The following LAMA2 variants were observed in gnomAD, a reference collection of about 807,000 sequenced individuals.
LAMA2 encodes the protein laminin subunit alpha-2.
LAMA2 carries 269 observed loss-of-function variants against 364.8 expected under a neutral mutation model. That is an observed-to-expected ratio of 0.74 (90% CI 0.67 to 0.82). The LOEUF is 0.82. Among genes scored for constraint, LAMA2 ranks in the 40% least tolerant of loss-of-function variants. LAMA2 has a pLI of 0.00. For synonymous variants in LAMA2, 1,379 were observed against 1,370.6 expected, an observed-to-expected ratio of 1.01 and a Z score of -0.14; for missense variants, 3,807 against 3,873.2, an observed-to-expected ratio of 0.98 and a Z score of 0.45.
intron 9 of LAMA2, among the ~76,000 whole-genome samples, chr6:129,166,396 A>G (rs1779743864): frequency 6.6e-6 from 1 of 152,206 alleles, no homozygotes; most frequent in African/African-American, 2.4e-5. Flanking sequence ...AATCAAGGCT[A>G]CAATGTAGTG....
rs1780821109 is a variant in LAMA2, at chr6:129,416,866, TGC to T, written c.5866-10885_5866-10884del. ...ACTGTGCACAGCTAAGCGTGCCAGC[TGC>T]AGTGGGCTGGGCAGCTCCAGGTCCT... On this transcript the variant is annotated intron_variant, in intron 40 of 64. Coordinates refer to ENST00000421865, the MANE Select transcript of LAMA2 (RefSeq NM_000426.4). 7.9e-5 allele frequency among the ~76,000 whole-genome samples: 12 copies of T among 152,300 alleles called. No homozygotes were observed. In the South Asian group the frequency reaches 2.5e-3, roughly 32 times the overall value.
chr6:129,393,520 A>G (rs1244131021), intron 37 of LAMA2, among the ~76,000 whole-genome samples: 2 of 152,232 alleles, frequency 1.3e-5, no homozygotes, highest in Admixed American at 1.3e-4. Context: ...ACTGTGATAC[A>G]GTGGAAGAAG....
chr6:128,970,546 A>G (rs1322332868), intron 1 of LAMA2, among the ~76,000 whole-genome samples: 1 of 152,256 alleles, frequency 6.6e-6, no homozygotes, highest in African/African-American at 2.4e-5. Context: ...AGATATAAAC[A>G]TATTTTAATT....
intron 3 of LAMA2, among the ~76,000 whole-genome samples, chr6:129,085,072 C>T (rs184327093): frequency 3.9e-5 from 6 of 152,208 alleles, no homozygotes; most frequent in Non-Finnish European, 7.4e-5. Context: ...TCAGTTTTAT[C>T]CCTTGGGTAT....
chr6:129,119,309 T>C (rs545359295), intron 4 of LAMA2, among the ~76,000 whole-genome samples: 116 of 152,292 alleles, frequency 7.6e-4, no homozygotes, highest in African/African-American at 2.7e-3. Context: ...TTTGTTTTTA[T>C]TTTAACATAG....
At chr6:129,396,643 A>G (rs1779634446) in intron 37 of LAMA2, among the ~76,000 whole-genome samples, 1 of 152,194 alleles carries the variant, frequency 6.6e-6, no homozygotes, top group African/African-American at 2.4e-5. Context: ...TGGGAAGAAA[A>G]GAGAAGACAA....
At chr6:129,198,676 A>G (rs1038739204) in intron 12 of LAMA2, among the ~76,000 whole-genome samples, 1 of 152,190 alleles carries the variant, frequency 6.6e-6, no homozygotes, top group African/African-American at 2.4e-5. Flanking sequence ...CATAACTGCA[A>G]TTACTTCAAA....
At chr6:129,018,632 T>A (rs1562923826) in intron 1 of LAMA2, among the ~76,000 whole-genome samples, 1 of 152,020 alleles carries the variant, frequency 6.6e-6, no homozygotes, top group Non-Finnish European at 1.5e-5. Flanking sequence ...GCTATTTCAC[T>A]GGATATTTCT....
chr6:129,398,373 C>G (rs927554294), intron 37 of LAMA2, among the ~76,000 whole-genome samples: 1 of 152,058 alleles, frequency 6.6e-6, no homozygotes, highest in Non-Finnish European at 1.5e-5. Context: ...CATATCAAAA[C>G]TTCCCCTGAA....
intron 34 of LAMA2, among the ~76,000 whole-genome samples, chr6:129,376,798 T>C (rs1778399763): frequency 6.6e-6 from 1 of 152,238 alleles, no homozygotes; most frequent in African/African-American, 2.4e-5. Flanking sequence ...GCTTATCTTA[T>C]ACCACTATTT....
rs763552119 is a variant in LAMA2, at chr6:129,316,149, G to A, written c.4036G>A (p.Gly1346Arg). Residue 1346 changes from glycine to arginine, a missense_variant, in exon 27 of 65, where the codon GGA becomes AGA. Gly to Arg is a moderately radical substitution (Grantham distance 125). Transcript: ENST00000421865. ...IHYILIKATY[G>R]NFMRQSRISE... ...TTACATTCTTATCAAAGCTACTTAT[G>A]GAAATTTCATGCGACAAAGCAGGTA... is the stretch of plus-strand genomic sequence containing the variant. 6.2e-7 allele frequency: 1 copy of A among 1,608,072 alleles called. No homozygotes were observed. The highest frequency in any genetic ancestry group is 8.5e-7 in the Non-Finnish European group (1 of 1,175,584).
Position 129,059,810 on chromosome 6 carries a change from G to A in LAMA2, c.310G>A (p.Asp104Asn). The change falls in exon 3 of 65, where the codon GAT becomes AAT. Residue 104 changes from aspartate (D) to asparagine (N), a missense_variant. This residue lies in a region of LAMA2 where 394 missense variants were observed against 403.5 expected (regional missense o/e 0.98). Coordinates refer to ENST00000421865, the MANE Select transcript of LAMA2 (RefSeq NM_000426.4). The stretch of plus-strand genomic sequence containing the variant: ...GAGACACCCGATTACAAATGCTATT[G>A]ATGGAAAGAACACTTGGTGGCAGAG... Reference protein sequence around the residue: ...NQRHPITNAIDGKNTWWQSPS... With the variant: ...NQRHPITNAINGKNTWWQSPS... The A allele has an allele frequency of 6.2e-7, 1 of 1,608,854 alleles. No individual in the cohort carries two copies. Among genetic ancestry groups the A allele is most frequent in the South Asian group, 1.1e-5 (1 of 90,940 alleles).
chr6:129,353,443 C>A (rs1246774537), intron 32 of LAMA2, 86 bp downstream of exon 32: 3 of 1,104,246 alleles, frequency 2.7e-6, no homozygotes, highest in Non-Finnish European at 3.9e-6. Context: ...ACTCTCCCCG[C>A]CCGCCTTTTT....
At chr6:129,380,503 G>C (rs1289571729) in intron 34 of LAMA2, among the ~76,000 whole-genome samples, 1 of 152,152 alleles carries the variant, frequency 6.6e-6, no homozygotes, top group East Asian at 1.9e-4. Flanking sequence ...CAATTACTAA[G>C]TAATTCTCAA....
intron 8 of LAMA2, chr6:129,158,516 A>G: frequency 6.2e-7 from 1 of 1,614,104 alleles, no homozygotes; most frequent in Non-Finnish European, 8.5e-7. Context: ...GTGATTTTCC[A>G]ACTGGAATAA....
chr6:128,953,268 G>T (rs760875329), intron 1 of LAMA2, among the ~76,000 whole-genome samples: 88 of 152,092 alleles, frequency 5.8e-4, no homozygotes, highest in African/African-American at 1.9e-3. Context: ...GTTTCCTGGC[G>T]TTACTTTAAT....
chr6:129,119,374 G>C (rs979281437), intron 4 of LAMA2, among the ~76,000 whole-genome samples: 8 of 151,864 alleles, frequency 5.3e-5, no homozygotes, highest in Non-Finnish European at 1.2e-4. Context: ...TCCACTGACG[G>C]TCCTTCAGGT....
At chr6:129,027,078 GA>G (rs1785877351) in intron 1 of LAMA2, among the ~76,000 whole-genome samples, 1 of 152,118 alleles carries the variant, frequency 6.6e-6, no homozygotes, top group South Asian at 2.1e-4. Flanking sequence ...CCCCTAAATT[GA>G]AAGTTAATTT....
chr6:128,926,322 G>C (rs111500333), intron 1 of LAMA2, among the ~76,000 whole-genome samples: 3 of 151,978 alleles, frequency 2.0e-5, no homozygotes, highest in Non-Finnish European at 4.4e-5. Flanking sequence ...AACTCCTCTC[G>C]TTTAGGCCTC....
Sources: gnomAD v4.1 joint callset for allele counts (sites outside exome capture counted in the v4.1 genomes callset) on GRCh38, gnomAD v4.1.1 for gene constraint, gnomAD v4.1.1 regional missense constraint, MANE v1.5 for transcripts, NCBI Gene and HGNC (gene_info 2026-07-23, HGNC 2026-07-21) for gene names.